RANBP9: variants seen among roughly 807,000 people sequenced by gnomAD.
The protein encoded by RANBP9 is RAN binding protein 9, also known as ran-binding protein 9.
A neutral mutation model predicts 84.3 loss-of-function variants in RANBP9; 15 were observed. The ratio of observed to expected loss-of-function variants is 0.18; its 90% CI spans 0.12 to 0.27. The LOEUF (loss-of-function observed/expected upper bound fraction) is 0.27. RANBP9 is among the 10% of genes least tolerant of loss of function. The pLI is 1.00. For missense variants in RANBP9, 809 were observed against 912.8 expected (o/e 0.89, Z 1.46); for synonymous variants, 392 against 349.6 (o/e 1.12, Z -1.35).
At chr6:13,701,347 C>T (rs1298378729) in intron 1 of RANBP9, among the ~76,000 whole-genome samples, 1 of 152,204 alleles carries the variant, frequency 6.6e-6, no homozygotes, top group African/African-American at 2.4e-5. Context: ...ATGCTACCAA[C>T]AATATTTTTA....
At chr6:13,688,389 A>G (rs921735061) in intron 2 of RANBP9, among the ~76,000 whole-genome samples, 2 of 152,144 alleles carry the variant, frequency 1.3e-5, no homozygotes, top group Admixed American at 6.5e-5. Context: ...AGCTTCCTAG[A>G]TAGACTTCCC....
At chr6:13,639,414 G>A (rs1202649049) in intron 9 of RANBP9, 149 bp downstream of exon 9, 3 of 773,366 alleles carry the variant, frequency 3.9e-6, no homozygotes, top group Non-Finnish European at 6.0e-6. Context: ...TCCTGACCTC[G>A]TGATCCGCCC....
intron 6 of RANBP9, among the ~76,000 whole-genome samples, chr6:13,643,377 T>C (rs557646698): frequency 6.6e-6 from 1 of 152,294 alleles, no homozygotes; most frequent in East Asian, 1.9e-4. Context: ...AAACAGTCAA[T>C]TTTTAAACTT....
intron 1 of RANBP9, among the ~76,000 whole-genome samples, chr6:13,709,534 A>C (rs544399522): frequency 2.0e-5 from 3 of 152,394 alleles, no homozygotes; most frequent in East Asian, 1.9e-4. Flanking sequence ...AAAACATAAA[A>C]GTAGAAATAC....
At chr6:13,661,735 T>C (rs1304582780) in intron 2 of RANBP9, among the ~76,000 whole-genome samples, 1 of 152,000 alleles carries the variant, frequency 6.6e-6, no homozygotes, top group Non-Finnish European at 1.5e-5. Context: ...GAACTGAAAA[T>C]ACACACTACA....
intron 1 of RANBP9, among the ~76,000 whole-genome samples, chr6:13,710,602 G>A (rs536799589): frequency 1.3e-5 from 2 of 152,300 alleles, no homozygotes; most frequent in South Asian, 2.1e-4. Context: ...CTCTACCCAA[G>A]CCCCAAGATT....
intron 5 of RANBP9, among the ~76,000 whole-genome samples, chr6:13,649,728 T>C (rs1765252800): frequency 6.6e-6 from 1 of 152,034 alleles, no homozygotes; most frequent in Non-Finnish European, 1.5e-5. Flanking sequence ...TGCCCCCACT[T>C]CCACCACTGG....
chr6:13,651,094 C>T (rs1765285175), intron 5 of RANBP9, among the ~76,000 whole-genome samples: 1 of 152,120 alleles, frequency 6.6e-6, no homozygotes, highest in African/African-American at 2.4e-5. Flanking sequence ...AAAAGAGACA[C>T]ATATTAAAAT....
In RANBP9 at chr6:13,711,374, G is replaced by C. The variant is rs1758279169; in HGVS notation, c.132C>G (p.Gly44=). 1 of 1,166,304 alleles carries C rather than the reference G, an allele frequency of 8.6e-7. No individual in the cohort carries two copies. The highest frequency in any genetic ancestry group is 4.2e-5 in the South Asian group (1 of 23,768). The allele number at this position is 1,166,304 out of a possible 1,614,324, so 72.2% of individuals were successfully genotyped here. The change falls in exon 1 of 14, where the codon GGC becomes GGG. Residue 44 remains glycine, a synonymous_variant. Transcript: ENST00000011619. ...CGCCGGGCGAGCCGGCCGGAGAAGA[G>C]CCGGCGCTGACGGCCGGGGGCGCCG... ...VLPAPPAVSA[G]SSPAGSPGGG...
chr6:13,626,978 C>T (rs115920170), intron 12 of RANBP9, among the ~76,000 whole-genome samples: 2 of 152,308 alleles, frequency 1.3e-5, no homozygotes, highest in Non-Finnish European at 2.9e-5. Flanking sequence ...TCTGAGACCA[C>T]AAGGCATGGA....
At chr6:13,676,399 G>A (rs146977989) in intron 2 of RANBP9, among the ~76,000 whole-genome samples, 24 of 152,110 alleles carry the variant, frequency 1.6e-4, no homozygotes, top group Middle Eastern at 6.8e-3. Context: ...TAACACAACT[G>A]TCTCCAATCT....
At position 13,622,335 on chromosome 6, in the gene RANBP9, A is replaced by C; in HGVS notation, c.*27T>G. On this transcript the variant is annotated 3_prime_UTR_variant, in exon 14 of 14. Coordinates refer to ENST00000011619, the MANE Select transcript of RANBP9 (RefSeq NM_005493.3). ...TTCCATGTTGACTATATGCCACAATATAAGTGTGAGCTCTTGAAATGCATA... is the reference window on the plus strand; with the variant it reads ...TTCCATGTTGACTATATGCCACAATCTAAGTGTGAGCTCTTGAAATGCATA... 1 of 1,514,422 alleles carries C rather than the reference A, an allele frequency of 6.6e-7. No homozygotes were observed. Among genetic ancestry groups the C allele is most frequent in the East Asian group, 2.3e-5 (1 of 42,852 alleles). The allele number at this position is 1,514,422 out of a possible 1,614,324, so 93.8% of individuals were successfully genotyped here.
At chr6:13,700,157 A>C (rs1757930139) in intron 1 of RANBP9, among the ~76,000 whole-genome samples, 1 of 152,208 alleles carries the variant, frequency 6.6e-6, no homozygotes, top group South Asian at 2.1e-4. Context: ...CTTTTTATTC[A>C]AACAATCTGA....
chr6:13,692,348 C>T (rs1766340677), intron 2 of RANBP9, among the ~76,000 whole-genome samples: 1 of 151,028 alleles, frequency 6.6e-6, no homozygotes, highest in Non-Finnish European at 1.5e-5. Flanking sequence ...CCAGCTTGGC[C>T]AACATGGCAA....
chr6:13,642,213 T>G (rs1360014018), intron 7 of RANBP9, among the ~76,000 whole-genome samples: 1 of 152,082 alleles, frequency 6.6e-6, no homozygotes, highest in Non-Finnish European at 1.5e-5. Context: ...CCTGAAAGCT[T>G]AAGAAAACAT....
chr6:13,683,299 G>C (rs575931891), intron 2 of RANBP9, among the ~76,000 whole-genome samples: 1 of 152,230 alleles, frequency 6.6e-6, no homozygotes, highest in South Asian at 2.1e-4. Context: ...CAATATATCT[G>C]AGATAAACAT....
intron 1 of RANBP9, among the ~76,000 whole-genome samples, chr6:13,699,202 C>T (rs182625856): frequency 2.2e-4 from 34 of 152,212 alleles, no homozygotes; most frequent in Middle Eastern, 3.4e-3. Flanking sequence ...GAATTAAAAT[C>T]CCATACATTT....
At chr6:13,660,538 A>T (rs1203401114) in intron 2 of RANBP9, among the ~76,000 whole-genome samples, 6 of 152,176 alleles carry the variant, frequency 3.9e-5, no homozygotes, top group Non-Finnish European at 5.9e-5. Flanking sequence ...AAAAACAAAA[A>T]AAGGAGGACA....
intron 2 of RANBP9, among the ~76,000 whole-genome samples, chr6:13,682,547 G>T (rs557679877): frequency 6.6e-4 from 101 of 152,000 alleles, no homozygotes; most frequent in African/African-American, 2.4e-3. Flanking sequence ...CCGCCTCCTG[G>T]GTTCAAGCGA....
Sources: allele counts gnomAD v4.1 joint callset (sites outside exome capture counted in the v4.1 genomes callset), GRCh38; gene constraint gnomAD v4.1.1; transcripts MANE v1.5; gene names NCBI Gene and HGNC (gene_info 2026-07-23, HGNC 2026-07-21).